CDH4: variants seen among roughly 807,000 people sequenced by gnomAD.
CDH4 encodes cadherin 4.
A neutral mutation model predicts 86.0 loss-of-function variants in CDH4; 33 were observed. The observed-to-expected ratio is 0.38, with a 90% CI of 0.29 to 0.51. The LOEUF (loss-of-function observed/expected upper bound fraction) is 0.51, where lower values mean the gene tolerates loss of function less well. CDH4 is among the 20% of genes least tolerant of loss of function. The pLI is 0.86. For synonymous variants in CDH4, 555 were observed against 549.4 expected (o/e 1.01, Z -0.14); for missense variants, 1,114 against 1,307.4 (o/e 0.85, Z 2.28).
At chr20:61,315,417 G>A (rs1029313584) in intron 2 of CDH4, among the ~76,000 whole-genome samples, 16 of 152,268 alleles carry the variant, frequency 1.1e-4, no homozygotes, top group African/African-American at 3.9e-4. Context: ...TGGGTGCCCT[G>A]ATAAAAAAGA....
chr20:61,260,505 C>T (rs1372001948), intron 2 of CDH4, among the ~76,000 whole-genome samples: 1 of 152,216 alleles, frequency 6.6e-6, no homozygotes, highest in Non-Finnish European at 1.5e-5. Flanking sequence ...ACAATATCTA[C>T]TGGTTCTAGG....
At chr20:61,521,506 A>G (rs562724833) in intron 2 of CDH4, among the ~76,000 whole-genome samples, 3 of 152,312 alleles carry the variant, frequency 2.0e-5, no homozygotes, top group Non-Finnish European at 4.4e-5. Flanking sequence ...GGGACGGCAC[A>G]CCACAGGCTT....
At chr20:61,853,408 A>G (rs1982831808) in intron 6 of CDH4, among the ~76,000 whole-genome samples, 2 of 152,104 alleles carry the variant, frequency 1.3e-5, no homozygotes, top group African/African-American at 4.8e-5. Flanking sequence ...GGGAAGCGAG[A>G]GAGGCCCGGA....
chr20:61,680,043 G>A (rs1600867459), intron 2 of CDH4, among the ~76,000 whole-genome samples: 1 of 152,210 alleles, frequency 6.6e-6, no homozygotes, highest in African/African-American at 2.4e-5. Context: ...GGGGCACCCG[G>A]CGGAGAGGAA....
intron 2 of CDH4, among the ~76,000 whole-genome samples, chr20:61,512,176 C>T (rs971186840): frequency 3.3e-5 from 5 of 152,016 alleles, no homozygotes; most frequent in Admixed American, 1.3e-4. Context: ...CTGGGCTGCC[C>T]GGTGGTTTGG....
At chr20:61,430,960 AT>A (rs2145515337) in intron 2 of CDH4, among the ~76,000 whole-genome samples, 1 of 152,252 alleles carries the variant, frequency 6.6e-6, no homozygotes, top group Non-Finnish European at 1.5e-5. Flanking sequence ...ATTGAAAAGC[AT>A]TTCCCTGTCT....
rs186170209 is a variant in CDH4 at position 61,917,788 on chromosome 20, C to T, written c.1375-5663C>T. Among the ~76,000 whole-genome samples, 5 of 152,386 alleles carry T rather than the reference C, an allele frequency of 3.3e-5. No individual in the cohort carries two copies. In the East Asian group the frequency reaches 9.6e-4, roughly 29 times the overall value. On this transcript the variant is annotated intron_variant, in intron 9 of 15. Coordinates refer to ENST00000614565, the MANE Select transcript of CDH4 (RefSeq NM_001794.5). ...GTATATCCAGCCACCCTAATCGAAA[C>T]TGCTGGAGCAAATTACCTATTGATT...
chr20:61,661,227 G>A (rs763729532), intron 2 of CDH4, among the ~76,000 whole-genome samples: 8 of 152,124 alleles, frequency 5.3e-5, no homozygotes, highest in African/African-American at 7.2e-5. Context: ...GGTTCCGCCC[G>A]TCTGGGAGCT....
chr20:61,808,167 C>T (rs1412604131), intron 4 of CDH4, among the ~76,000 whole-genome samples: 7 of 152,058 alleles, frequency 4.6e-5, no homozygotes, highest in Admixed American at 2.6e-4. Flanking sequence ...GGCCCAGAAC[C>T]GTGGCTCTGG....
intron 5 of CDH4, among the ~76,000 whole-genome samples, chr20:61,845,531 A>G (rs1418968545): frequency 6.6e-6 from 1 of 152,202 alleles, no homozygotes; most frequent in Non-Finnish European, 1.5e-5. Context: ...AGAGCTGTCC[A>G]TCACGTGTAG....
At chr20:61,468,210 C>T (rs1425326686) in intron 2 of CDH4, among the ~76,000 whole-genome samples, 2 of 152,168 alleles carry the variant, frequency 1.3e-5, no homozygotes, top group Non-Finnish European at 2.9e-5. Context: ...TGACCCAAAC[C>T]TCCACCCCAT....
chr20:61,885,020 A>G (rs1984475748), intron 7 of CDH4, among the ~76,000 whole-genome samples: 1 of 152,032 alleles, frequency 6.6e-6, no homozygotes, highest in Non-Finnish European at 1.5e-5. Context: ...GGCCAGAACG[A>G]CTGCCAGCCA....
chr20:61,563,436 G>A (rs1341360436), intron 2 of CDH4, among the ~76,000 whole-genome samples: 2 of 152,184 alleles, frequency 1.3e-5, no homozygotes, highest in African/African-American at 2.4e-5. Flanking sequence ...CTTGCTCCAG[G>A]TGCTTGGTGT....
intron 3 of CDH4, among the ~76,000 whole-genome samples, chr20:61,756,954 C>T (rs974594006): frequency 1.3e-5 from 2 of 152,180 alleles, no homozygotes; most frequent in African/African-American, 4.8e-5. Flanking sequence ...TTATCCTTCT[C>T]CCAAAAGGTG....
Position 61,705,806 on chromosome 20 carries a change from A to C in CDH4, c.170-37757A>C, listed in dbSNP as rs80307593. Among the ~76,000 whole-genome samples the C allele has an allele frequency of 8.9e-4, 136 of 152,334 alleles. 1 individual carries two copies. In the East Asian group the frequency reaches 0.017, roughly 19 times the overall value. ...GCCTGCAGAATCGCCGACAGGCTCC[A>C]TTTGCAAGGGGCTGGCCGGGCTCTT... On this transcript the variant is annotated intron_variant, in intron 2 of 15. Coordinates refer to ENST00000614565, the MANE Select transcript of CDH4 (RefSeq NM_001794.5).
chr20:61,589,958 G>A (rs2086506106), intron 2 of CDH4, among the ~76,000 whole-genome samples: 1 of 152,058 alleles, frequency 6.6e-6, no homozygotes, highest in South Asian at 2.1e-4. Context: ...GGGCGGCCAG[G>A]AGGCCAGGGT....
chr20:61,584,016 C>T (rs1229010160), intron 2 of CDH4, among the ~76,000 whole-genome samples: 2 of 152,116 alleles, frequency 1.3e-5, no homozygotes, highest in Admixed American at 6.5e-5. Flanking sequence ...AAAAATTAGC[C>T]GGGTGTGCTG....
intron 2 of CDH4, among the ~76,000 whole-genome samples, chr20:61,397,034 C>A (rs553773520): frequency 6.6e-6 from 1 of 152,182 alleles, no homozygotes; most frequent in Admixed American, 6.5e-5. Flanking sequence ...CCTCAGCCCC[C>A]GCAAGTAGCT....
chr20:61,378,829 A>C (rs2084885186), intron 2 of CDH4, among the ~76,000 whole-genome samples: 1 of 152,238 alleles, frequency 6.6e-6, no homozygotes. Context: ...TTGCAAAGAT[A>C]GCCCAGAAAG....
Sources: gnomAD v4.1 joint callset for allele counts (sites outside exome capture counted in the v4.1 genomes callset) on GRCh38, gnomAD v4.1.1 for gene constraint, MANE v1.5 for transcripts, NCBI Gene and HGNC (gene_info 2026-07-23, HGNC 2026-07-21) for gene names.